The following B3GAT2 variants were observed in gnomAD, a reference collection of about 807,000 sequenced individuals.
The protein encoded by B3GAT2 is beta-1,3-glucuronyltransferase 2.
A neutral mutation model predicts 27.8 loss-of-function variants in B3GAT2; 26 were observed. The observed-to-expected ratio is 0.93, with a 90% confidence interval of 0.68 to 1.30. The LOEUF (loss-of-function observed/expected upper bound fraction) is 1.30. Among genes scored for constraint, B3GAT2 ranks in the 50% most tolerant of loss-of-function variants. The probability of loss-of-function intolerance (pLI) is 0.00; values close to 1 mark genes in which losing one functional copy is unlikely to be tolerated. For synonymous variants in B3GAT2, 218 were observed against 195.1 expected (o/e 1.12, Z -0.98); for missense variants, 458 against 459.0 (o/e 1.00, Z 0.02).
chr6:70,896,500 A>T (rs2150032660), intron 1 of B3GAT2, among the ~76,000 whole-genome samples: 1 of 152,030 alleles, frequency 6.6e-6, no homozygotes, highest in East Asian at 1.9e-4. Flanking sequence ...CACACCCAGC[A>T]CCCCCAAAAA....
rs753587121 is a variant in B3GAT2 at position 70,906,943 on chromosome 6, T to C, written c.592-12671A>G. Among the ~76,000 whole-genome samples, 5 of 152,126 alleles carry C rather than the reference T, an allele frequency of 3.3e-5. No homozygotes were observed. The East Asian group carries it at 5.8e-4, about 18-fold the overall frequency. On this transcript the variant is annotated intron_variant, in intron 1 of 3. Transcript: ENST00000230053. ...AACTATCATGGAAACAGCATTACAA[T>C]AGCAAAAGAAAATATGCAATGCTAG... is the stretch of plus-strand genomic sequence containing the variant.
chr6:70,930,215 GTA>G (rs1562232243), intron 1 of B3GAT2, among the ~76,000 whole-genome samples: 2 of 152,162 alleles, frequency 1.3e-5, no homozygotes, highest in African/African-American at 4.8e-5. Flanking sequence ...AGACTTAAAT[GTA>G]AGACCTAAAA....
chr6:70,947,761 G>C (rs576767600), intron 1 of B3GAT2, among the ~76,000 whole-genome samples: 5 of 151,746 alleles, frequency 3.3e-5, no homozygotes, highest in Non-Finnish European at 7.4e-5. Flanking sequence ...TACCAAAGCC[G>C]GGCAGAGACA....
Position 70,861,486 on chromosome 6 carries a change from C to A in B3GAT2, c.*177G>T. On this transcript the variant is annotated 3_prime_UTR_variant, in exon 4 of 4. Transcript: ENST00000230053. ...AAACATACATTTTGTACCAACCATC[C>A]AATTAGCTTATGTTAACTGACAAGC... is the stretch of plus-strand genomic sequence containing the variant. The A allele has an allele frequency of 1.7e-6, 1 of 599,218 alleles. No individual in the cohort carries two copies. The highest frequency in any genetic ancestry group is 2.2e-5 in the South Asian group (1 of 45,522). 37.1% of individuals were successfully genotyped at this position (599,218 alleles called of 1,614,324 possible).
intron 2 of B3GAT2, among the ~76,000 whole-genome samples, chr6:70,880,034 A>G (rs1466868490): frequency 3.2e-5 from 4 of 126,844 alleles, no homozygotes; most frequent in Non-Finnish European, 6.3e-5. Flanking sequence ...GAAGCTGTGG[A>G]GCTAGTTAGG....
intron 1 of B3GAT2, among the ~76,000 whole-genome samples, chr6:70,935,423 C>T (rs1329087302): frequency 2.0e-5 from 3 of 152,028 alleles, no homozygotes; most frequent in Non-Finnish European, 4.4e-5. Flanking sequence ...CACTACACTC[C>T]AGTCTGGGCA....
chr6:70,899,478 T>A (rs1772455696), intron 1 of B3GAT2, among the ~76,000 whole-genome samples: 1 of 152,210 alleles, frequency 6.6e-6, no homozygotes. Context: ...TTCTAGAGGC[T>A]GGGTGTTAAA....
intron 1 of B3GAT2, among the ~76,000 whole-genome samples, chr6:70,922,475 G>A (rs1327751245): frequency 6.6e-6 from 1 of 151,990 alleles, no homozygotes; most frequent in Non-Finnish European, 1.5e-5. Flanking sequence ...TTTCAATTGA[G>A]TGAAACTATA....
intron 1 of B3GAT2, among the ~76,000 whole-genome samples, chr6:70,906,816 A>G (rs1231673058): frequency 6.6e-6 from 1 of 152,156 alleles, no homozygotes; most frequent in Non-Finnish European, 1.5e-5. Flanking sequence ...TTAACATCTA[A>G]TACTGCTTGA....
intron 1 of B3GAT2, among the ~76,000 whole-genome samples, chr6:70,954,852 A>ACC (rs1314335004): frequency 7.5e-6 from 1 of 133,692 alleles, no homozygotes; most frequent in African/African-American, 2.6e-5. Flanking sequence ...ACACACACAC[A>ACC]CACCGCAAGA....
At chr6:70,891,011 C>A (rs1045672459) in intron 2 of B3GAT2, among the ~76,000 whole-genome samples, 1 of 152,236 alleles carries the variant, frequency 6.6e-6, no homozygotes, top group East Asian at 1.9e-4. Flanking sequence ...TCAGTTCTTT[C>A]AAGCAGTCGT....
intron 1 of B3GAT2, among the ~76,000 whole-genome samples, chr6:70,920,089 G>A (rs2262695): frequency 0.49 from 73,887 of 151,146 alleles, 18,507 homozygotes; most frequent in East Asian, 0.69. Context: ...CTTTGTTTAC[G>A]CTGTGAGCAT....
chr6:70,900,215 C>T lies in B3GAT2; in HGVS notation c.592-5943G>A, dbSNP rs915233347. On this transcript the variant is annotated intron_variant, in intron 1 of 3. Transcript: ENST00000230053. ...CAACCAAACTCACAGCCAGAGTAATCTCCATAGACCCAATGGCTACAAAGG... is the reference window on the plus strand; with the variant it reads ...CAACCAAACTCACAGCCAGAGTAATTTCCATAGACCCAATGGCTACAAAGG... Among the ~76,000 whole-genome samples the T allele has an allele frequency of 2.0e-5, 3 of 152,204 alleles. No homozygotes were observed. The South Asian group carries it at 6.2e-4, about 32-fold the overall frequency.
At chr6:70,927,268 C>T (rs1366516084) in intron 1 of B3GAT2, among the ~76,000 whole-genome samples, 2 of 152,174 alleles carry the variant, frequency 1.3e-5, no homozygotes, top group African/African-American at 2.4e-5. Flanking sequence ...ACTGCATCAA[C>T]TAATGAGCAA....
intron 2 of B3GAT2, among the ~76,000 whole-genome samples, chr6:70,892,458 C>T (rs1244912405): frequency 6.6e-6 from 1 of 152,222 alleles, no homozygotes; most frequent in African/African-American, 2.4e-5. Flanking sequence ...AATGGGCAGA[C>T]ATCCCACGTG....
intron 2 of B3GAT2, 108 bp from the exon 3 acceptor site, chr6:70,862,086 G>A: frequency 9.9e-7 from 1 of 1,013,166 alleles, no homozygotes; most frequent in African/African-American, 1.6e-5. Context: ...TACCTACTGT[G>A]TGTCAGGTCT....
At chr6:70,934,963 A>C (rs1302059981) in intron 1 of B3GAT2, among the ~76,000 whole-genome samples, 1 of 152,206 alleles carries the variant, frequency 6.6e-6, no homozygotes, top group African/African-American at 2.4e-5. Context: ...TTGTAATGGT[A>C]AGTCAGTCCT....
chr6:70,938,470 A>C (rs1040624716), intron 1 of B3GAT2, among the ~76,000 whole-genome samples: 6 of 152,028 alleles, frequency 3.9e-5, no homozygotes, highest in Non-Finnish European at 8.8e-5. Flanking sequence ...AAAAGAACAA[A>C]GCTGGAGGCA....
chr6:70,873,437 C>T (rs1771967951), intron 2 of B3GAT2, among the ~76,000 whole-genome samples: 1 of 148,630 alleles, frequency 6.7e-6, no homozygotes, highest in South Asian at 2.2e-4. Flanking sequence ...TGTTAATAAA[C>T]AATGGCTTAT....
Sources: gnomAD v4.1 joint callset for allele counts (sites outside exome capture counted in the v4.1 genomes callset) on GRCh38, gnomAD v4.1.1 for gene constraint, MANE v1.5 for transcripts, NCBI Gene and HGNC (gene_info 2026-07-23, HGNC 2026-07-21) for gene names.